CEP128: variants seen among roughly 807,000 people sequenced by gnomAD.
The protein encoded by CEP128 is centrosomal protein 128kDa.
In CEP128, 132 loss-of-function variants were observed where a neutral mutation model predicts 156.7. That is an observed-to-expected ratio of 0.84 (90% confidence interval 0.73 to 0.97). The LOEUF (loss-of-function observed/expected upper bound fraction) is 0.97, where lower values mean the gene tolerates loss of function less well. Ranked by LOEUF, CEP128 falls within the 50% of genes least tolerant of loss-of-function variation. The probability of loss-of-function intolerance (pLI) is 0.00; values close to 1 mark genes in which losing one functional copy is unlikely to be tolerated. For synonymous variants in CEP128, 469 were observed against 448.9 expected (o/e 1.04, Z -0.57); for missense variants, 1,252 against 1,281.9 (o/e 0.98, Z 0.36).
At position 80,617,219 on chromosome 14, in the gene CEP128, C is replaced by CTTTTTTTTTTTTTTTTTTTTTTTT. The variant is rs3069115; in HGVS notation, c.2807-36820_2807-36797dup. Among the ~76,000 whole-genome samples, 4 of 60,226 alleles carry CTTTTTTTTTTTTTTTTTTTTTTTT rather than the reference C, an allele frequency of 6.6e-5. 2 individuals carry two copies. The highest frequency in any genetic ancestry group is 2.6e-4 in the African/African-American group (4 of 15,476). The allele number at this position is 60,226 out of a possible 152,430, so 39.5% of individuals were successfully genotyped here. On this transcript the variant is annotated intron_variant, in intron 19 of 24. Transcript: ENST00000555265. ...ATCACTTAACCTATGTGAATATCAT[C>CTTTTTTTTTTTTTTTTTTTTTTTT]TTTTTTTTTTTTTTTTTTTTTTTTT...
At chr14:80,707,750 A>T (rs560823682) in intron 19 of CEP128, among the ~76,000 whole-genome samples, 1 of 152,310 alleles carries the variant, frequency 6.6e-6, no homozygotes, top group Non-Finnish European at 1.5e-5. Context: ...CATTTGATTT[A>T]TTCCTCAAGA....
intron 23 of CEP128, among the ~76,000 whole-genome samples, chr14:80,518,759 T>C (rs1467822396): frequency 1.3e-5 from 2 of 152,184 alleles, no homozygotes; most frequent in Non-Finnish European, 2.9e-5. Context: ...AATGAGGAGG[T>C]TTAACTCTAT....
intron 21 of CEP128, among the ~76,000 whole-genome samples, chr14:80,539,077 T>C (rs528900038): frequency 1.3e-5 from 2 of 152,348 alleles, no homozygotes; most frequent in African/African-American, 4.8e-5. Context: ...GGAAAGCTTT[T>C]CACATTTATT....
chr14:80,676,693 C>G (rs1010988053), intron 19 of CEP128, among the ~76,000 whole-genome samples: 2 of 152,094 alleles, frequency 1.3e-5, no homozygotes, highest in African/African-American at 4.8e-5. Context: ...ACAGATATAT[C>G]ACATTTAAAA....
At chr14:80,883,038 T>A (rs1888625163) in intron 8 of CEP128, among the ~76,000 whole-genome samples, 1 of 152,060 alleles carries the variant, frequency 6.6e-6, no homozygotes, top group Non-Finnish European at 1.5e-5. Flanking sequence ...TTAAAATAAC[T>A]AAAAGAGTAT....
chr14:80,593,542 A>G (rs1165188837), intron 19 of CEP128, among the ~76,000 whole-genome samples: 20 of 124,820 alleles, frequency 1.6e-4, no homozygotes, highest in African/African-American at 6.6e-4. Context: ...GCAAGACTCC[A>G]TCTCAAAAAA....
intron 24 of CEP128, among the ~76,000 whole-genome samples, chr14:80,504,170 TG>T (rs1204015346): frequency 6.6e-6 from 1 of 152,184 alleles, no homozygotes; most frequent in African/African-American, 2.4e-5. Flanking sequence ...ACAACTTATA[TG>T]TATATTAATT....
chr14:80,493,196 C>T (rs1038511450), downstream of CEP128, among the ~76,000 whole-genome samples: 1 of 152,160 alleles, frequency 6.6e-6, no homozygotes, highest in South Asian at 2.1e-4. Context: ...TAGCATATGC[C>T]TGTTTGAGAA....
At chr14:80,485,812 G>A (rs917417320), downstream of CEP128, among the ~76,000 whole-genome samples, 7 of 152,322 alleles carry the variant, frequency 4.6e-5, no homozygotes, top group South Asian at 2.1e-4. Flanking sequence ...AATTGTTGGC[G>A]TATGTGCCTG....
rs535044600 is a variant in CEP128 at position 80,838,545 on chromosome 14, C to T, written c.850-267G>A. On this transcript the variant is annotated intron_variant, in intron 10 of 24. Transcript: ENST00000555265. ...CTCAACTGTGAGCCAGTCCAAGTCT[C>T]TCCTCCTCTGGCCTCCATTCTATCA... 4.6e-5 allele frequency among the ~76,000 whole-genome samples: 7 copies of T among 152,220 alleles called. No individual in the cohort carries two copies. In the South Asian group the frequency reaches 1.5e-3, roughly 32 times the overall value.
Position 80,829,821 on chromosome 14 carries a change from G to A in CEP128, c.1209+1322C>T, listed in dbSNP as rs542444747. Reference sequence around the variant, plus strand: ...AATTGTAAAATAACTACTAAGTTAGGACAAGGGGAAAGCCAGGAATCTTGA... The same window carrying A: ...AATTGTAAAATAACTACTAAGTTAGAACAAGGGGAAAGCCAGGAATCTTGA... On this transcript the variant is annotated intron_variant, in intron 13 of 24. Coordinates refer to ENST00000555265, the MANE Select transcript of CEP128 (RefSeq NM_152446.5). Among the ~76,000 whole-genome samples, 5 of 152,258 alleles carry A rather than the reference G, an allele frequency of 3.3e-5. No individual in the cohort carries two copies. The East Asian group carries it at 9.6e-4, about 29-fold the overall frequency.
intron 15 of CEP128, among the ~76,000 whole-genome samples, chr14:80,781,839 T>A (rs1035709462): frequency 6.6e-6 from 1 of 152,214 alleles, no homozygotes; most frequent in African/African-American, 2.4e-5. Flanking sequence ...GTGAGAATTA[T>A]GGCCTTACAG....
chr14:80,743,162 C>T lies in CEP128; in HGVS notation c.2719G>A (p.Glu907Lys). Residue 907 changes from glutamate (E) to lysine (K), a missense_variant, in exon 19 of 25, where the codon GAA becomes AAA. Transcript: ENST00000555265. ...LCRQQLRNLT[E>K]NKESELQCLF... ...CACTGCAACTCAGATTCCTTGTTTT[C>T]AGTCAAATTCCTGAGTTGTTGTCTG... 1 of 1,613,738 alleles carries T rather than the reference C, an allele frequency of 6.2e-7. No individual in the cohort carries two copies. The highest frequency in any genetic ancestry group is 8.5e-7 in the Non-Finnish European group (1 of 1,179,802).
rs145655830 is a variant in CEP128 at position 80,482,348 on chromosome 14, C to T, written c.*311-3941G>A. On this transcript the variant is annotated intron_variant and NMD_transcript_variant, in intron 14 of 14. Transcript: ENST00000554502. ...ATGTACTGCTATAGAGACAAAGAAGCATACGGTTCTTGACTATTCCAATGC... is the reference window on the plus strand; with the variant it reads ...ATGTACTGCTATAGAGACAAAGAAGTATACGGTTCTTGACTATTCCAATGC... Among the ~76,000 whole-genome samples the T allele has an allele frequency of 4.5e-3, 687 of 152,312 alleles. 10 individuals carry two copies. The highest frequency in any genetic ancestry group is 0.016 in the African/African-American group (653 of 41,570).
At chr14:80,845,670 G>A (rs1227808505) in intron 9 of CEP128, among the ~76,000 whole-genome samples, 1 of 152,056 alleles carries the variant, frequency 6.6e-6, no homozygotes, top group African/African-American at 2.4e-5. Context: ...AGAGTTAAAG[G>A]ATGTTATTTT....
intron 13 of CEP128, among the ~76,000 whole-genome samples, chr14:80,814,282 A>G (rs946153285): frequency 6.6e-6 from 1 of 152,064 alleles, no homozygotes; most frequent in Non-Finnish European, 1.5e-5. Context: ...ATCTATATCT[A>G]TATTAGAATT....
chr14:80,647,290 GC>G (rs1388581504), intron 19 of CEP128, among the ~76,000 whole-genome samples: 28 of 151,144 alleles, frequency 1.9e-4, no homozygotes, highest in Non-Finnish European at 1.5e-5. Flanking sequence ...ACTCCATTTT[GC>G]TGTTTTGTTC....
intron 5 of CEP128, chr14:80,905,625 G>A (rs77496782): frequency 2.9e-5 from 6 of 205,210 alleles, no homozygotes; most frequent in Non-Finnish European, 4.7e-5. Context: ...AATCTATTAC[G>A]CTAGGACAGG....
chr14:80,894,208 A>C (rs1289530720), intron 8 of CEP128, among the ~76,000 whole-genome samples: 1 of 151,978 alleles, frequency 6.6e-6, no homozygotes, highest in Non-Finnish European at 1.5e-5. Context: ...AAATGAAAAG[A>C]AACAAGAAAA....
Sources: allele counts gnomAD v4.1 joint callset (sites outside exome capture counted in the v4.1 genomes callset), GRCh38; gene constraint gnomAD v4.1.1; transcripts MANE v1.5; gene names NCBI Gene and HGNC (gene_info 2026-07-23, HGNC 2026-07-21).